Variants in MDGA2 observed in about 807,000 individuals in gnomAD.
The protein encoded by MDGA2 is MAM domain-containing glycosylphosphatidylinositol anchor protein 2.
Under a neutral mutation model 117.8 loss-of-function variants are expected in MDGA2, and 40 were observed. The observed-to-expected ratio is 0.34, with a 90% confidence interval of 0.26 to 0.44. The LOEUF (loss-of-function observed/expected upper bound fraction) is 0.44, where lower values mean the gene tolerates loss of function less well. MDGA2 is among the 20% of genes least tolerant of loss of function. The pLI is 1.00. For synonymous variants in MDGA2, 452 were observed against 439.0 expected, an observed-to-expected ratio of 1.03 and a Z score of -0.37; for missense variants, 1,123 against 1,250.6, an observed-to-expected ratio of 0.90 and a Z score of 1.54.
chr14:47,308,813 A>C (rs1889542620), intron 1 of MDGA2, among the ~76,000 whole-genome samples: 1 of 152,130 alleles, frequency 6.6e-6, no homozygotes, highest in Non-Finnish European at 1.5e-5. Context: ...TGTCTACTAC[A>C]GTCTGGCTCT....
chr14:47,258,573 C>A (rs1286586769), intron 2 of MDGA2, among the ~76,000 whole-genome samples: 1 of 151,996 alleles, frequency 6.6e-6, no homozygotes, highest in Admixed American at 6.6e-5. Flanking sequence ...AAATCCAAAC[C>A]ATAATCACAT....
chr14:47,567,387 A>T (rs1318130932), intron 1 of MDGA2, among the ~76,000 whole-genome samples: 1 of 152,196 alleles, frequency 6.6e-6, no homozygotes, highest in East Asian at 1.9e-4. Context: ...AACACTTATC[A>T]TACATTATCC....
At chr14:46,929,041 T>A (rs541544490) in intron 9 of MDGA2, among the ~76,000 whole-genome samples, 1 of 152,248 alleles carries the variant, frequency 6.6e-6, no homozygotes, top group Non-Finnish European at 1.5e-5. Context: ...TGAATTTGGC[T>A]CTGGGGTCAC....
intron 14 of MDGA2, among the ~76,000 whole-genome samples, chr14:46,867,627 G>A (rs556597671): frequency 5.7e-4 from 86 of 152,024 alleles, no homozygotes; most frequent in African/African-American, 1.8e-3. Flanking sequence ...TCATCATAAG[G>A]TGACATACCT....
At chr14:47,123,816 C>T (rs573894360) in intron 5 of MDGA2, among the ~76,000 whole-genome samples, 1 of 152,056 alleles carries the variant, frequency 6.6e-6, no homozygotes, top group African/African-American at 2.4e-5. Context: ...AATGCTGTCC[C>T]CAAAAGATGC....
intron 2 of MDGA2, among the ~76,000 whole-genome samples, chr14:47,261,210 T>A (rs1173537956): frequency 6.6e-6 from 1 of 152,116 alleles, no homozygotes; most frequent in Non-Finnish European, 1.5e-5. Context: ...TATCATGTTC[T>A]TCAGGCTTTT....
At chr14:47,629,137 T>G (rs1343194723) in intron 1 of MDGA2, among the ~76,000 whole-genome samples, 1 of 152,058 alleles carries the variant, frequency 6.6e-6, no homozygotes, top group Non-Finnish European at 1.5e-5. Context: ...TTCCCATTGG[T>G]GACAAGAAAA....
chr14:47,541,300 T>C (rs561774672), intron 1 of MDGA2, among the ~76,000 whole-genome samples: 1 of 152,276 alleles, frequency 6.6e-6, no homozygotes, highest in East Asian at 1.9e-4. Flanking sequence ...CTAATTCAAT[T>C]TGAGAACAAG....
At chr14:47,429,582 A>G (rs1892758340) in intron 1 of MDGA2, among the ~76,000 whole-genome samples, 1 of 152,164 alleles carries the variant, frequency 6.6e-6, no homozygotes, top group Admixed American at 6.6e-5. Context: ...TCAAATGCTG[A>G]AAATTCACAT....
At chr14:47,470,668 C>G (rs10146728) in intron 1 of MDGA2, among the ~76,000 whole-genome samples, 13,552 of 152,086 alleles carry the variant, frequency 0.089, 661 homozygotes, top group Middle Eastern at 0.11. Flanking sequence ...ATTTCTAGTT[C>G]TAGATCCTTG....
intron 6 of MDGA2, among the ~76,000 whole-genome samples, chr14:47,064,292 A>T (rs1296113408): frequency 2.0e-5 from 3 of 152,024 alleles, no homozygotes; most frequent in African/African-American, 7.2e-5. Flanking sequence ...ATGACACAGA[A>T]TCTAAAGGGA....
intron 8 of MDGA2, among the ~76,000 whole-genome samples, chr14:47,019,364 C>T (rs1278148334): frequency 1.3e-5 from 2 of 152,120 alleles, no homozygotes; most frequent in African/African-American, 4.8e-5. Flanking sequence ...CTTTTGTAAT[C>T]TGGCTTTTTA....
Position 47,500,867 on chromosome 14 carries a change from T to C in MDGA2, c.280+173650A>G, listed in dbSNP as rs74355122. 4.5e-3 allele frequency among the ~76,000 whole-genome samples: 689 copies of C among 152,146 alleles called. 3 individuals are homozygous for C. The highest frequency in any genetic ancestry group is 0.015 in the African/African-American group (637 of 41,518). On this transcript the variant is annotated intron_variant, in intron 1 of 16. Coordinates refer to ENST00000399232, the MANE Select transcript of MDGA2 (RefSeq NM_001113498.3). ...GCTTTTTCTGAATAATTTGGGAGAGTTCTTCTCTATTAAAGATTATAGCTA... is the reference window on the plus strand; with the variant it reads ...GCTTTTTCTGAATAATTTGGGAGAGCTCTTCTCTATTAAAGATTATAGCTA...
At chr14:46,889,558 T>C (rs1022566223) in intron 10 of MDGA2, among the ~76,000 whole-genome samples, 3 of 152,132 alleles carry the variant, frequency 2.0e-5, no homozygotes, top group Admixed American at 1.3e-4. Flanking sequence ...CTAGCATGCA[T>C]AGCATTTATT....
At chr14:47,249,583 C>T (rs1467207392) in intron 2 of MDGA2, among the ~76,000 whole-genome samples, 1 of 152,174 alleles carries the variant, frequency 6.6e-6, no homozygotes, top group African/African-American at 2.4e-5. Context: ...ACTTCAACCT[C>T]GCAGAGTGCT....
At chr14:47,048,301 A>G (rs1195999106) in intron 7 of MDGA2, among the ~76,000 whole-genome samples, 14 of 152,128 alleles carry the variant, frequency 9.2e-5, no homozygotes, top group Non-Finnish European at 2.9e-5. Context: ...TAAAAGGAAG[A>G]TAAGCCATAA....
intron 9 of MDGA2, among the ~76,000 whole-genome samples, chr14:46,934,433 G>A (rs1884704470): frequency 6.6e-6 from 1 of 152,086 alleles, no homozygotes; most frequent in African/African-American, 2.4e-5. Context: ...TCTTCACAGA[G>A]CTGAGGGAGG....
At chr14:47,124,281 T>G (rs1287551902) in intron 5 of MDGA2, among the ~76,000 whole-genome samples, 1 of 152,128 alleles carries the variant, frequency 6.6e-6, no homozygotes, top group Admixed American at 6.6e-5. Flanking sequence ...CTGTAATCTT[T>G]TGACGATGCT....
At chr14:47,589,572 G>A (rs1253992471) in intron 1 of MDGA2, among the ~76,000 whole-genome samples, 1 of 151,948 alleles carries the variant, frequency 6.6e-6, no homozygotes, top group Non-Finnish European at 1.5e-5. Flanking sequence ...CTGCAGTTTT[G>A]TAGTAAGTTT....
Sources: allele counts gnomAD v4.1 joint callset (sites outside exome capture counted in the v4.1 genomes callset), GRCh38; gene constraint gnomAD v4.1.1; transcripts MANE v1.5; gene names NCBI Gene and HGNC (gene_info 2026-07-23, HGNC 2026-07-21).